The following APBA1 variants were observed in gnomAD, a reference collection of about 807,000 sequenced individuals.
The protein encoded by APBA1 is amyloid-beta A4 precursor protein-binding family A member 1.
APBA1 carries 55 observed loss-of-function variants against 86.6 expected under a neutral mutation model. The observed-to-expected ratio is 0.64, with a 90% confidence interval of 0.51 to 0.80. APBA1 has a LOEUF of 0.80. APBA1 is among the 30% of genes least tolerant of loss of function. The probability of loss-of-function intolerance (pLI) is 0.00; values close to 1 mark genes in which losing one functional copy is unlikely to be tolerated. For missense variants in APBA1, 1,090 were observed against 1,183.0 expected, an observed-to-expected ratio of 0.92 and a Z score of 1.15; for synonymous variants, 511 against 493.9, an observed-to-expected ratio of 1.03 and a Z score of -0.46.
At chr9:69,659,480 T>C (rs1405676590) in intron 1 of APBA1, among the ~76,000 whole-genome samples, 7 of 152,154 alleles carry the variant, frequency 4.6e-5, no homozygotes, top group Non-Finnish European at 1.5e-5. Flanking sequence ...TGCCTACCCA[T>C]CACATCACCA....
chr9:69,550,203 T>G (rs1836763160), intron 1 of APBA1, among the ~76,000 whole-genome samples: 2 of 152,362 alleles, frequency 1.3e-5, no homozygotes, highest in South Asian at 4.1e-4. Context: ...TACTTGTAAC[T>G]GTAAAGTGTT....
At chr9:69,556,178 G>A (rs1836857141) in intron 1 of APBA1, among the ~76,000 whole-genome samples, 1 of 152,116 alleles carries the variant, frequency 6.6e-6, no homozygotes, top group South Asian at 2.1e-4. Flanking sequence ...TAAACATAAT[G>A]AAGAGAAATC....
At chr9:69,552,474 C>T (rs1307181031) in intron 1 of APBA1, among the ~76,000 whole-genome samples, 2 of 152,178 alleles carry the variant, frequency 1.3e-5, no homozygotes, top group Non-Finnish European at 2.9e-5. Flanking sequence ...CCCCACTACC[C>T]CCATGGAGGA....
At chr9:69,613,413 T>G (rs1205886614) in intron 1 of APBA1, among the ~76,000 whole-genome samples, 1 of 152,228 alleles carries the variant, frequency 6.6e-6, no homozygotes, top group Non-Finnish European at 1.5e-5. Flanking sequence ...TCTTCTTCAT[T>G]TAAATTTCTC....
intron 5 of APBA1, chr9:69,462,545 G>A (rs970607624): frequency 3.3e-5 from 5 of 152,192 alleles, no homozygotes; most frequent in African/African-American, 1.2e-4. Context: ...AATGTATTCT[G>A]TGCTCAAATA....
At chr9:69,672,446 C>T (rs1365194995), upstream of APBA1, 6 of 149,772 alleles carry the variant, frequency 4.0e-5, no homozygotes, top group African/African-American at 9.8e-5. Flanking sequence ...CGCGCTGGGG[C>T]CGGGCGGGCC....
At chr9:69,603,958 T>C (rs1204121186) in intron 1 of APBA1, among the ~76,000 whole-genome samples, 3 of 152,206 alleles carry the variant, frequency 2.0e-5, no homozygotes, top group Admixed American at 2.0e-4. Flanking sequence ...TATTACACAG[T>C]AGAAAATGCT....
At chr9:69,643,119 T>G (rs1823322635) in intron 1 of APBA1, among the ~76,000 whole-genome samples, 2 of 152,112 alleles carry the variant, frequency 1.3e-5, no homozygotes, top group Non-Finnish European at 2.9e-5. Context: ...TAGGCAGTTT[T>G]TAAATCAAAT....
chr9:69,447,118 T>C, intron 10 of APBA1, among the ~76,000 whole-genome samples: 1 of 152,018 alleles, frequency 6.6e-6, no homozygotes, highest in Middle Eastern at 3.2e-3. Context: ...CTTGCTGGGG[T>C]CCCTTTTTTA....
intron 10 of APBA1, among the ~76,000 whole-genome samples, chr9:69,447,866 G>A (rs1016376261): frequency 5.3e-5 from 8 of 149,650 alleles, no homozygotes; most frequent in Admixed American, 3.3e-4. Context: ...TCCTCAAACC[G>A]ACCAAGCTCC....
intron 1 of APBA1, among the ~76,000 whole-genome samples, chr9:69,577,941 T>C (rs1821835112): frequency 6.6e-6 from 1 of 152,154 alleles, no homozygotes; most frequent in African/African-American, 2.4e-5. Context: ...TCACCAGCAC[T>C]GGCCCAACTG....
intron 9 of APBA1, 51 bp downstream of exon 9, chr9:69,452,071 G>A: frequency 6.4e-7 from 1 of 1,567,374 alleles, no homozygotes; most frequent in Non-Finnish European, 8.7e-7. Context: ...CACTTTCCAA[G>A]CCCCTGCCCA....
intron 1 of APBA1, among the ~76,000 whole-genome samples, chr9:69,604,207 G>A (rs1822413535): frequency 6.6e-6 from 1 of 151,796 alleles, no homozygotes. Context: ...CACACTTGAG[G>A]GTAAGTGGAG....
intron 2 of APBA1, among the ~76,000 whole-genome samples, chr9:69,505,985 C>T (rs1466171581): frequency 6.6e-6 from 1 of 151,282 alleles, no homozygotes; most frequent in Non-Finnish European, 1.5e-5. Flanking sequence ...CACCACTGCA[C>T]TCCAGCCTGG....
At chr9:69,490,043 C>T (rs1468966959) in intron 2 of APBA1, among the ~76,000 whole-genome samples, 4 of 152,058 alleles carry the variant, frequency 2.6e-5, no homozygotes, top group Non-Finnish European at 5.9e-5. Context: ...TATTGCAGCA[C>T]TATTCACAAT....
At chr9:69,534,791 C>G (rs1158121252) in intron 1 of APBA1, among the ~76,000 whole-genome samples, 3 of 152,094 alleles carry the variant, frequency 2.0e-5, no homozygotes, top group Admixed American at 6.5e-5. Context: ...TTCCATAACT[C>G]TATACGATAT....
chr9:69,433,136 C>T (rs1235329388), intron 11 of APBA1, among the ~76,000 whole-genome samples: 2 of 152,186 alleles, frequency 1.3e-5, no homozygotes, highest in Non-Finnish European at 2.9e-5. Flanking sequence ...AACTCCACTC[C>T]GTGTTCCAAA....
intron 1 of APBA1, among the ~76,000 whole-genome samples, chr9:69,653,023 A>G (rs867535447): frequency 6.6e-6 from 1 of 151,682 alleles, no homozygotes. Flanking sequence ...GCAAAAAAAA[A>G]ACAAAAAAAC....
intron 2 of APBA1, among the ~76,000 whole-genome samples, chr9:69,512,613 T>C (rs1025664901): frequency 5.3e-5 from 8 of 152,210 alleles, no homozygotes; most frequent in African/African-American, 1.9e-4. Context: ...TTATCTGTGC[T>C]AATAAAAGAT....
Sources: gnomAD v4.1 joint callset for allele counts (sites outside exome capture counted in the v4.1 genomes callset) on GRCh38, gnomAD v4.1.1 for gene constraint, MANE v1.5 for transcripts, NCBI Gene and HGNC (gene_info 2026-07-23, HGNC 2026-07-21) for gene names.